The following LRRC32 variants were observed in gnomAD, a reference collection of about 807,000 sequenced individuals.
The protein encoded by LRRC32 is transforming growth factor beta activator LRRC32.
A neutral mutation model predicts 15.0 loss-of-function variants in LRRC32; 5 were observed. The observed-to-expected ratio is 0.33, with a 90% CI of 0.17 to 0.70. LRRC32 has a LOEUF of 0.70. Among genes scored for constraint, LRRC32 ranks in the 30% least tolerant of loss-of-function variants. The probability of loss-of-function intolerance (pLI) is 0.66; values close to 1 mark genes in which losing one functional copy is unlikely to be tolerated. For synonymous variants in LRRC32, 391 were observed against 403.9 expected (o/e 0.97, Z 0.38); for missense variants, 803 against 854.2 (o/e 0.94, Z 0.75).
chr11:76,659,273 G>T lies in LRRC32; in HGVS notation c.*331C>A. The T allele has an allele frequency of 3.6e-6, 1 of 280,970 alleles. No homozygotes were observed. Among genetic ancestry groups the T allele is most frequent in the Non-Finnish European group, 6.8e-6 (1 of 148,030 alleles). 17.4% of individuals were successfully genotyped at this position (280,970 alleles called of 1,614,324 possible). A position where few individuals can be genotyped will look rare whatever the true frequency, so the allele number is the denominator to read the frequency against. ...ACCAGACTGGGAGATTCTTGAGGGC[G>T]GGAATGTATCTCATTTCCCAGCATT... On this transcript the variant is annotated 3_prime_UTR_variant, in exon 3 of 3. Transcript: ENST00000260061.
intron 2 of LRRC32, among the ~76,000 whole-genome samples, chr11:76,664,277 G>A (rs1351814607): frequency 1.3e-5 from 2 of 152,218 alleles, no homozygotes; most frequent in Non-Finnish European, 2.9e-5. Context: ...GGGCTGCACT[G>A]GGATGCCCAG....
chr11:76,659,355 T>C lies in LRRC32; in HGVS notation c.*249A>G. ...TACATGCTCAGTGAAGATTTGTTGA[T>C]CTGACAGGTCAACATTATTCTCGGC... On this transcript the variant is annotated 3_prime_UTR_variant, in exon 3 of 3. Coordinates refer to ENST00000260061, the MANE Select transcript of LRRC32 (RefSeq NM_001128922.2). 1 of 507,580 alleles carries C rather than the reference T, an allele frequency of 2.0e-6. No homozygotes were observed. The allele number at this position is 507,580 out of a possible 1,614,324, so 31.4% of individuals were successfully genotyped here. A position where few individuals can be genotyped will look rare whatever the true frequency, so the allele number is the denominator to read the frequency against.
rs765709563 is a variant in LRRC32 at position 76,660,198 on chromosome 11, G to A, written c.1395C>T (p.His465=). ...IELLRAGAFL[H]TPLTELDLSS... ...AAAGGTCCAGCTCAGTCAGTGGGGT[G>A]TGGAGGAAGGCCCCTGCCCTGAGCA... The change falls in exon 3 of 3, where the codon CAC becomes CAT. Residue 465 remains histidine, a synonymous_variant. Transcript: ENST00000260061. 5 of 1,583,440 alleles carry A rather than the reference G, an allele frequency of 3.2e-6. No homozygotes were observed. The highest frequency in any genetic ancestry group is 2.6e-6 in the Non-Finnish European group (3 of 1,165,938).
intron 1 of LRRC32, among the ~76,000 whole-genome samples, chr11:76,670,399 C>T (rs977421729): frequency 1.3e-5 from 2 of 152,250 alleles, no homozygotes; most frequent in African/African-American, 4.8e-5. Flanking sequence ...CCGGCCTCAC[C>T]CCTTTGCGGG....
At chr11:76,665,982 G>A (rs1193845761) in intron 1 of LRRC32, 24 bp from the exon 2 acceptor site, 4 of 1,609,182 alleles carry the variant, frequency 2.5e-6, no homozygotes, top group Non-Finnish European at 3.4e-6. Context: ...AGAGGAAAGG[G>A]GAACACTGTA....
At chr11:76,661,656 G>C (rs1952536602) in intron 2 of LRRC32, 148 bp from the exon 3 acceptor site, 2 of 1,357,880 alleles carry the variant, frequency 1.5e-6, no homozygotes, top group Non-Finnish European at 1.9e-6. Context: ...ACCGCAGCCT[G>C]ATCACCCCAT....
intron 2 of LRRC32, among the ~76,000 whole-genome samples, chr11:76,665,133 G>A (rs941619270): frequency 2.0e-5 from 3 of 152,180 alleles, no homozygotes; most frequent in Non-Finnish European, 4.4e-5. Context: ...AGAACTTTAG[G>A]GCTAGTTTCC....
intron 1 of LRRC32, among the ~76,000 whole-genome samples, chr11:76,667,713 C>G (rs529623594): frequency 6.6e-6 from 1 of 152,256 alleles, no homozygotes; most frequent in African/African-American, 2.4e-5. Context: ...GTGAAAACCC[C>G]TCCGGCAGGG....
At chr11:76,665,576 G>C (rs1463699455) in intron 2 of LRRC32, among the ~76,000 whole-genome samples, 2 of 152,120 alleles carry the variant, frequency 1.3e-5, no homozygotes, top group Non-Finnish European at 2.9e-5. Flanking sequence ...GGACAGCTTG[G>C]GGGAATACAG....
chr11:76,664,800 CG>C (rs1166656362), intron 2 of LRRC32, among the ~76,000 whole-genome samples: 1 of 152,192 alleles, frequency 6.6e-6, no homozygotes, highest in African/African-American at 2.4e-5. Flanking sequence ...GTAGAATGTG[CG>C]TTTGTATTTG....
intron 1 of LRRC32, among the ~76,000 whole-genome samples, chr11:76,669,515 A>G (rs552308255): frequency 1.1e-3 from 164 of 152,214 alleles, no homozygotes; most frequent in African/African-American, 3.8e-3. Flanking sequence ...ATCTCATTTA[A>G]TTCTCACAAT....
intron 2 of LRRC32, among the ~76,000 whole-genome samples, chr11:76,662,030 C>T (rs1952544401): frequency 6.6e-6 from 1 of 152,176 alleles, no homozygotes; most frequent in Non-Finnish European, 1.5e-5. Flanking sequence ...GTAATTTGTG[C>T]TCTGTCATCA....
rs762659481 is a variant in LRRC32 at position 76,661,395 on chromosome 11, G to A, written c.198C>T (p.Ala66=). The change falls in exon 3 of 3, where the codon GCC becomes GCT. Residue 66 remains alanine, a synonymous_variant. Transcript: ENST00000260061. ...GTGCTGTGTAGAAGCCCAGGGGTGAGGCCAGGATACTCCGCAGCTGGTTCC... is the reference window on the plus strand; with the variant it reads ...GTGCTGTGTAGAAGCCCAGGGGTGAAGCCAGGATACTCCGCAGCTGGTTCC... ...LSGNQLRSIL[A]SPLGFYTALR... is the part of the protein sequence containing the mutation. 52 of 1,614,016 alleles carry A rather than the reference G, an allele frequency of 3.2e-5. No homozygotes were observed. Among genetic ancestry groups the A allele is most frequent in the African/African-American group, 4.0e-5 (3 of 74,920 alleles).
At chr11:76,668,151 G>A (rs558829624) in intron 1 of LRRC32, among the ~76,000 whole-genome samples, 5 of 152,086 alleles carry the variant, frequency 3.3e-5, no homozygotes, top group South Asian at 2.1e-4. Flanking sequence ...TAGGAGTCTC[G>A]GTGACATGGG....
chr11:76,665,894 G>C lies in LRRC32; in HGVS notation c.61C>G (p.Gln21Glu), dbSNP rs1952618181. ...ACCATCTTACAGGGCACTTTGTCTTGGTGTTGTGCAGCCAGGCCTAGGGTC... is the reference window on the plus strand; with the variant it reads ...ACCATCTTACAGGGCACTTTGTCTTCGTGTTGTGCAGCCAGGCCTAGGGTC... ...LLTLGLAAQHQDKVPCKMVDK... is the reference protein window; with the variant it reads ...LLTLGLAAQHEDKVPCKMVDK... The change falls in exon 2 of 3, where the codon CAA becomes GAA. Residue 21 changes from glutamine to glutamate, a missense_variant. By Grantham distance (29) the Gln-to-Glu change is conservative. Coordinates refer to ENST00000260061, the MANE Select transcript of LRRC32 (RefSeq NM_001128922.2). 5.6e-6 allele frequency: 9 copies of C among 1,614,044 alleles called. No individual in the cohort carries two copies. The highest frequency in any genetic ancestry group is 6.8e-6 in the Non-Finnish European group (8 of 1,179,970).
chr11:76,659,151 C>T lies in LRRC32; in HGVS notation c.*453G>A, dbSNP rs145350748. On this transcript the variant is annotated 3_prime_UTR_variant, in exon 3 of 3. Transcript: ENST00000260061. ...CCGGGGCAGGACTCACCGCACCAAA[C>T]CAGCGGGGCCTGCCGAGCTCTGGAG... The T allele has an allele frequency of 4.1e-4, 71 of 171,144 alleles. 1 individual carries two copies. The highest frequency in any genetic ancestry group is 1.6e-3 in the African/African-American group (69 of 41,920). The allele number at this position is 171,144 out of a possible 1,614,324, so 10.6% of individuals were successfully genotyped here. A position where few individuals can be genotyped will look rare whatever the true frequency, so the allele number is the denominator to read the frequency against.
intron 2 of LRRC32, among the ~76,000 whole-genome samples, chr11:76,664,357 C>T (rs1298990298): frequency 1.3e-5 from 2 of 152,256 alleles, no homozygotes; most frequent in Non-Finnish European, 2.9e-5. Flanking sequence ...CCAGGGTCTT[C>T]ATGCCTCCTT....
chr11:76,661,713 G>A (rs940267345), intron 2 of LRRC32, among the ~76,000 whole-genome samples: 12 of 152,312 alleles, frequency 7.9e-5, no homozygotes, highest in African/African-American at 2.2e-4. Flanking sequence ...GGCACCCAGC[G>A]CAGTAATGGG....
chr11:76,663,213 A>C (rs2120075133), intron 2 of LRRC32: 1 of 152,392 alleles, frequency 6.6e-6, no homozygotes, highest in South Asian at 2.1e-4. Flanking sequence ...AGACATCATC[A>C]GTTTAGTAAA....
Sources: gnomAD v4.1 joint callset for allele counts (sites outside exome capture counted in the v4.1 genomes callset) on GRCh38, gnomAD v4.1.1 for gene constraint, MANE v1.5 for transcripts, NCBI Gene and HGNC (gene_info 2026-07-23, HGNC 2026-07-21) for gene names.